Variants in TDRD7 observed in about 807,000 individuals in gnomAD.
TDRD7 encodes the protein tudor domain-containing protein 7.
TDRD7 carries 47 observed loss-of-function variants against 109.8 expected under a neutral mutation model. The observed-to-expected ratio is 0.43, with a 90% CI of 0.34 to 0.55. The LOEUF (loss-of-function observed/expected upper bound fraction) is 0.55, where lower values mean the gene tolerates loss of function less well. TDRD7 is among the 20% of genes least tolerant of loss of function. The pLI, the probability that TDRD7 is intolerant of heterozygous loss-of-function variation, is 0.03. For synonymous variants in TDRD7, 424 were observed against 457.3 expected, an observed-to-expected ratio of 0.93 and a Z score of 0.93; for missense variants, 1,164 against 1,319.2, an observed-to-expected ratio of 0.88 and a Z score of 1.82.
At position 97,460,762 on chromosome 9, in the gene TDRD7, C is replaced by T. The variant is rs1444353659; in HGVS notation, c.1440C>T (p.Ile480=). ...VELSNTNEVV[I]RYVGKDYSAA... Reference sequence around the variant, plus strand: ...TGAGCAACACAAATGAAGTGGTTATCAGGCAAGTTTCATTTTCTAATTCTT... The same window carrying T: ...TGAGCAACACAAATGAAGTGGTTATTAGGCAAGTTTCATTTTCTAATTCTT... The change falls in exon 7 of 17, where the codon ATC becomes ATT. Residue 480 remains isoleucine, a splice_region_variant and synonymous_variant. Coordinates refer to ENST00000355295, the MANE Select transcript of TDRD7 (RefSeq NM_014290.3). The T allele has an allele frequency of 9.3e-6, 15 of 1,613,298 alleles. No individual in the cohort carries two copies. The highest frequency in any genetic ancestry group is 1.2e-5 in the Non-Finnish European group (14 of 1,179,300).
intron 5 of TDRD7, among the ~76,000 whole-genome samples, chr9:97,440,631 G>A (rs889045676): frequency 2.6e-5 from 4 of 152,106 alleles, no homozygotes; most frequent in African/African-American, 4.8e-5. Flanking sequence ...CAGAGTCAGC[G>A]TCCAAGTGTC....
chr9:97,432,972 G>A (rs2118310343), intron 4 of TDRD7, among the ~76,000 whole-genome samples: 1 of 152,298 alleles, frequency 6.6e-6, no homozygotes, highest in East Asian at 1.9e-4. Flanking sequence ...GCAGAAGTGA[G>A]TAGTTGTACA....
intron 16 of TDRD7, among the ~76,000 whole-genome samples, chr9:97,492,125 C>G (rs1336900185): frequency 6.6e-6 from 1 of 152,186 alleles, no homozygotes; most frequent in Non-Finnish European, 1.5e-5. Flanking sequence ...GTGAATTGCC[C>G]TGTGACCTTC....
At chr9:97,470,759 A>G (rs1204992054) in intron 9 of TDRD7, 90 bp downstream of exon 9, 6 of 919,234 alleles carry the variant, frequency 6.5e-6, no homozygotes, top group African/African-American at 4.9e-5. Flanking sequence ...TGGACTAAGT[A>G]TCTCATGTTA....
At chr9:97,453,744 G>A (rs781465699) in intron 6 of TDRD7, among the ~76,000 whole-genome samples, 1 of 152,104 alleles carries the variant, frequency 6.6e-6, no homozygotes, top group African/African-American at 2.4e-5. Flanking sequence ...AGCAGGTGTT[G>A]CAATCCTAGT....
chr9:97,483,978 G>T (rs1162587088), intron 15 of TDRD7, among the ~76,000 whole-genome samples: 1 of 151,908 alleles, frequency 6.6e-6, no homozygotes, highest in Non-Finnish European at 1.5e-5. Flanking sequence ...ATTTTGTTAT[G>T]TAAGGTTTTC....
At chr9:97,415,639 A>G (rs1026726490) in intron 1 of TDRD7, among the ~76,000 whole-genome samples, 1 of 152,186 alleles carries the variant, frequency 6.6e-6, no homozygotes, top group African/African-American at 2.4e-5. Context: ...ATAAGCGAAG[A>G]AAAAAAGGAA....
chr9:97,437,217 T>A (rs189538235), intron 4 of TDRD7, among the ~76,000 whole-genome samples: 1 of 152,292 alleles, frequency 6.6e-6, no homozygotes, highest in East Asian at 1.9e-4. Flanking sequence ...GTCCTCTGCT[T>A]CAGGGTCTCT....
intron 3 of TDRD7, among the ~76,000 whole-genome samples, chr9:97,431,804 G>A (rs1465660491): frequency 6.6e-6 from 1 of 152,174 alleles, no homozygotes; most frequent in Admixed American, 6.5e-5. Context: ...GTGAGAAGCA[G>A]GAGTTACTGG....
At chr9:97,432,380 C>A in intron 4 of TDRD7, 142 bp downstream of exon 4, 4 of 745,522 alleles carry the variant, frequency 5.4e-6, no homozygotes, top group Non-Finnish European at 7.0e-6. Context: ...CAGTTAAGTT[C>A]ACTTCTAGCT....
chr9:97,483,422 C>G, intron 15 of TDRD7, 71 bp downstream of exon 15: 1 of 1,566,860 alleles, frequency 6.4e-7, no homozygotes, highest in Admixed American at 1.7e-5. Flanking sequence ...GAGTCTTAAT[C>G]TTGGCGGGGG....
At chr9:97,428,824 C>T in intron 2 of TDRD7, 152 bp downstream of exon 2, 3 of 726,398 alleles carry the variant, frequency 4.1e-6, no homozygotes, top group South Asian at 3.0e-5. Context: ...GCATGTAAAG[C>T]ACAGCCTACA....
intron 16 of TDRD7, among the ~76,000 whole-genome samples, chr9:97,495,189 C>CAGAA (rs1348801191): frequency 6.6e-6 from 1 of 152,072 alleles, no homozygotes; most frequent in Non-Finnish European, 1.5e-5. Context: ...TGTTGACTTT[C>CAGAA]AATTCAGTGC....
chr9:97,463,118 CAT>C (rs1196153114), intron 7 of TDRD7, among the ~76,000 whole-genome samples: 5 of 152,234 alleles, frequency 3.3e-5, no homozygotes, highest in Admixed American at 1.3e-4. Flanking sequence ...AAGCTCAATA[CAT>C]TTAAATGATA....
At chr9:97,490,552 G>GGC (rs1554750864) in intron 16 of TDRD7, among the ~76,000 whole-genome samples, 2 of 142,962 alleles carry the variant, frequency 1.4e-5, no homozygotes, top group African/African-American at 5.0e-5. Context: ...ATTTTGGTGG[G>GGC]GGGGGGGGCA....
At chr9:97,473,467 A>G (rs1334387548) in intron 10 of TDRD7, 25 bp from the exon 11 acceptor site, 2 of 1,613,266 alleles carry the variant, frequency 1.2e-6, no homozygotes, top group Admixed American at 3.3e-5. Context: ...TCAAGCATTC[A>G]CGAGGTATCC....
At chr9:97,495,623 G>T in intron 16 of TDRD7, 40 bp from the exon 17 acceptor site, 1 of 1,574,218 alleles carries the variant, frequency 6.4e-7, no homozygotes, top group South Asian at 1.1e-5. Context: ...AAGCTCCTTT[G>T]ACTCCTCACT....
chr9:97,472,449 C>T lies in TDRD7; in HGVS notation c.1898C>T (p.Thr633Ile). 1.2e-6 allele frequency: 2 copies of T among 1,613,842 alleles called. No homozygotes were observed. Among genetic ancestry groups the T allele is most frequent in the Middle Eastern group, 1.7e-4 (1 of 6,058 alleles). The change falls in exon 10 of 17, where the codon ACC becomes ATC. Residue 633 changes from threonine (T) to isoleucine (I), a missense_variant. Physicochemically the swap from Thr to Ile is moderately conservative, Grantham distance 89 (BLOSUM62 -1). Around this residue, in one of 5 missense-constraint regions of TDRD7, gnomAD observed 261 missense variants for 336.2 expected, o/e 0.78. Transcript: ENST00000355295. ...GAAGATGATATCAATATCAATGCCA[C>T]CTGCTTGAAGGCTATATGTGACAAG... Reference protein sequence around the residue: ...SGEDDININATCLKAICDKSL... With the variant: ...SGEDDININAICLKAICDKSL...
chr9:97,478,617 A>T, intron 13 of TDRD7, 44 bp downstream of exon 13: 1 of 1,612,446 alleles, frequency 6.2e-7, no homozygotes, highest in African/African-American at 1.3e-5. Flanking sequence ...ACAGATTTGG[A>T]TGTGTTCATA....
Sources: gnomAD v4.1 joint callset for allele counts (sites outside exome capture counted in the v4.1 genomes callset) on GRCh38, gnomAD v4.1.1 for gene constraint, gnomAD v4.1.1 regional missense constraint, MANE v1.5 for transcripts, NCBI Gene and HGNC (gene_info 2026-07-23, HGNC 2026-07-21) for gene names.